CPNE8: variants seen among roughly 807,000 people sequenced by gnomAD.
The protein encoded by CPNE8 is copine 8.
Under a neutral mutation model 81.5 loss-of-function variants are expected in CPNE8, and 45 were observed. That is an observed-to-expected ratio of 0.55 (90% CI 0.44 to 0.71). The LOEUF is 0.71. CPNE8 is among the 30% of genes least tolerant of loss of function. The probability of loss-of-function intolerance (pLI) is 0.00; values close to 1 mark genes in which losing one functional copy is unlikely to be tolerated. For synonymous variants in CPNE8, 252 were observed against 226.3 expected, an observed-to-expected ratio of 1.11 and a Z score of -1.02; for missense variants, 594 against 672.1, an observed-to-expected ratio of 0.88 and a Z score of 1.28.
chr12:38,665,000 C>T (rs1939035079), intron 19 of CPNE8, among the ~76,000 whole-genome samples: 1 of 152,086 alleles, frequency 6.6e-6, no homozygotes, highest in South Asian at 2.1e-4. Flanking sequence ...TCCAAAGGAA[C>T]ATTTATTTCT....
intron 13 of CPNE8, among the ~76,000 whole-genome samples, chr12:38,710,980 C>T (rs946683492): frequency 1.3e-5 from 2 of 152,038 alleles, no homozygotes; most frequent in African/African-American, 4.8e-5. Context: ...TTTAATTGCC[C>T]ACCACTGTGA....
chr12:38,819,352 G>C (rs2137003386), intron 6 of CPNE8, among the ~76,000 whole-genome samples: 1 of 152,184 alleles, frequency 6.6e-6, no homozygotes, highest in South Asian at 2.1e-4. Flanking sequence ...TTCTGCATAT[G>C]GCTAGCCATA....
intron 10 of CPNE8, among the ~76,000 whole-genome samples, chr12:38,731,667 A>G (rs75824067): frequency 6.6e-6 from 1 of 152,012 alleles, no homozygotes; most frequent in Non-Finnish European, 1.5e-5. Context: ...TAATATGAAT[A>G]TGTTAATAGC....
chr12:38,685,436 A>G, intron 16 of CPNE8, 54 bp downstream of exon 16: 1 of 1,569,024 alleles, frequency 6.4e-7, no homozygotes, highest in Non-Finnish European at 8.7e-7. Flanking sequence ...CAATGTTATG[A>G]GTTCACCATG....
At position 38,873,449 on chromosome 12, in the gene CPNE8, A is replaced by G. The variant is rs112055512; in HGVS notation, c.140-399T>C. Among the ~76,000 whole-genome samples, 936 of 152,328 alleles carry G rather than the reference A, an allele frequency of 6.1e-3. 16 individuals are homozygous for G. Among genetic ancestry groups the G allele is most frequent in the African/African-American group, 0.021 (875 of 41,594 alleles). On this transcript the variant is annotated intron_variant, in intron 2 of 19. Transcript: ENST00000331366. Reference sequence around the variant, plus strand: ...ATAATAGGAACGAAAACTTGGGGCAAGTCATGCTCTACATTTAATATTTAT... The same window carrying G: ...ATAATAGGAACGAAAACTTGGGGCAGGTCATGCTCTACATTTAATATTTAT...
At chr12:38,659,636 C>T (rs1402357721) in intron 19 of CPNE8, among the ~76,000 whole-genome samples, 1 of 152,204 alleles carries the variant, frequency 6.6e-6, no homozygotes, top group African/African-American at 2.4e-5. Flanking sequence ...AAATTGACCA[C>T]AGAGTTGGAA....
Position 38,798,004 on chromosome 12 carries a change from G to C in CPNE8, c.408-21703C>G, listed in dbSNP as rs569059767. ...CGAGAAGGGAAGTTTAGAGAAAAAA[G>C]AATAAAAAGAAATGAAGAAAGCCTC... On this transcript the variant is annotated intron_variant, in intron 6 of 19. Transcript: ENST00000331366. 3.9e-5 allele frequency among the ~76,000 whole-genome samples: 6 copies of C among 152,136 alleles called. No homozygotes were observed. In the East Asian group the frequency reaches 1.2e-3, roughly 29 times the overall value.
intron 17 of CPNE8, among the ~76,000 whole-genome samples, chr12:38,676,899 G>T (rs1189359710): frequency 6.6e-6 from 1 of 152,042 alleles, no homozygotes; most frequent in Non-Finnish European, 1.5e-5. Flanking sequence ...TTTATCAAAT[G>T]TCTACTTCGT....
At chr12:38,899,720 T>C (rs1305205269) in intron 1 of CPNE8, among the ~76,000 whole-genome samples, 1 of 152,218 alleles carries the variant, frequency 6.6e-6, no homozygotes, top group African/African-American at 2.4e-5. Flanking sequence ...AAGTTGCACA[T>C]AGTACTTTTA....
intron 6 of CPNE8, among the ~76,000 whole-genome samples, chr12:38,781,950 G>A (rs1942062519): frequency 6.6e-6 from 1 of 151,962 alleles, no homozygotes. Context: ...TAACATATCA[G>A]ATCAAAAGAA....
At chr12:38,813,792 C>T (rs891899481) in intron 6 of CPNE8, among the ~76,000 whole-genome samples, 7 of 152,054 alleles carry the variant, frequency 4.6e-5, no homozygotes, top group African/African-American at 7.2e-5. Flanking sequence ...CTTAGGCCTG[C>T]GAAAGACAGT....
intron 10 of CPNE8, among the ~76,000 whole-genome samples, chr12:38,742,244 C>T (rs1049604486): frequency 1.3e-5 from 2 of 152,050 alleles, no homozygotes; most frequent in African/African-American, 2.4e-5. Context: ...TTTATTGCGG[C>T]ACTATTCACA....
At chr12:38,903,035 CA>C (rs1944512473) in intron 1 of CPNE8, among the ~76,000 whole-genome samples, 1 of 152,134 alleles carries the variant, frequency 6.6e-6, no homozygotes, top group South Asian at 2.1e-4. Context: ...TGCCAAAGCC[CA>C]AACTAAACCA....
intron 6 of CPNE8, among the ~76,000 whole-genome samples, chr12:38,802,843 G>C (rs1168394493): frequency 7.0e-6 from 1 of 142,604 alleles, no homozygotes; most frequent in African/African-American, 2.6e-5. Flanking sequence ...CGATCCCACA[G>C]AAATACAAAC....
At chr12:38,706,971 G>A (rs1190105230) in intron 13 of CPNE8, among the ~76,000 whole-genome samples, 1 of 152,132 alleles carries the variant, frequency 6.6e-6, no homozygotes, top group Non-Finnish European at 1.5e-5. Flanking sequence ...AAGCTACAAA[G>A]AAAAGTTATG....
chr12:38,786,560 G>T (rs774343108), intron 6 of CPNE8, among the ~76,000 whole-genome samples: 11 of 152,032 alleles, frequency 7.2e-5, no homozygotes, highest in Non-Finnish European at 1.5e-4. Context: ...CCTGCAGATG[G>T]CCTATTATGG....
intron 1 of CPNE8, among the ~76,000 whole-genome samples, chr12:38,878,667 AT>A (rs1446490090): frequency 2.0e-5 from 3 of 152,184 alleles, no homozygotes; most frequent in Non-Finnish European, 2.9e-5. Flanking sequence ...GTCAGTCGGC[AT>A]TCTGAGACCC....
At chr12:38,684,827 G>A (rs183192420) in intron 16 of CPNE8, among the ~76,000 whole-genome samples, 242 of 152,112 alleles carry the variant, frequency 1.6e-3, no homozygotes, top group Non-Finnish European at 2.6e-3. Flanking sequence ...GATTTACATA[G>A]GCCAAACTTT....
chr12:38,722,362 T>C (rs1940587858), intron 13 of CPNE8, among the ~76,000 whole-genome samples: 1 of 152,152 alleles, frequency 6.6e-6, no homozygotes, highest in Non-Finnish European at 1.5e-5. Context: ...TGGATGCCCG[T>C]ATATAGCAAA....
Sources: gnomAD v4.1 joint callset for allele counts (sites outside exome capture counted in the v4.1 genomes callset) on GRCh38, gnomAD v4.1.1 for gene constraint, MANE v1.5 for transcripts, NCBI Gene and HGNC (gene_info 2026-07-23, HGNC 2026-07-21) for gene names.